DCAF1: variants seen among roughly 807,000 people sequenced by gnomAD.
The protein encoded by DCAF1 is DDB1 and CUL4 associated factor 1, also known as DDB1- and CUL4-associated factor 1.
A neutral mutation model predicts 128.0 loss-of-function variants in DCAF1; 15 were observed. The observed-to-expected ratio is 0.12, with a 90% confidence interval of 0.08 to 0.18. DCAF1 has a LOEUF of 0.18. Among genes scored for constraint, DCAF1 ranks in the 10% least tolerant of loss-of-function variants. DCAF1 has a pLI of 1.00. For synonymous variants in DCAF1, 610 were observed against 603.0 expected (o/e 1.01, Z -0.17); for missense variants, 988 against 1,649.5 (o/e 0.60, Z 6.95).
Position 51,398,499 on chromosome 3 carries a change from A to T in DCAF1, c.*270T>A. 2.6e-6 allele frequency: 1 copy of T among 383,286 alleles called. No individual in the cohort carries two copies. The highest frequency in any genetic ancestry group is 4.7e-6 in the Non-Finnish European group (1 of 214,756). 23.7% of individuals were successfully genotyped at this position (383,286 alleles called of 1,614,324 possible). ...GAGACATGGTTTTTTTTTCCCCTTG[A>T]AAGATATGTCCATCCTAGGAAATGG... is the stretch of plus-strand genomic sequence containing the variant. On this transcript the variant is annotated 3_prime_UTR_variant, in exon 25 of 25. Coordinates refer to ENST00000684031, the MANE Select transcript of DCAF1 (RefSeq NM_001387579.1).
intron 5 of DCAF1, among the ~76,000 whole-genome samples, chr3:51,463,849 T>C (rs1425914479): frequency 6.6e-6 from 1 of 152,004 alleles, no homozygotes; most frequent in African/African-American, 2.4e-5. Context: ...TCCCCTTCCA[T>C]ATACACTTTA....
intron 6 of DCAF1, among the ~76,000 whole-genome samples, chr3:51,445,054 C>G (rs1559520437): frequency 6.6e-6 from 1 of 152,092 alleles, no homozygotes; most frequent in East Asian, 1.9e-4. Flanking sequence ...TTGAAAATCA[C>G]CTATGTCCTA....
At chr3:51,445,671 T>C (rs879996948) in intron 6 of DCAF1, among the ~76,000 whole-genome samples, 2 of 152,188 alleles carry the variant, frequency 1.3e-5, no homozygotes, top group Admixed American at 1.3e-4. Flanking sequence ...GTATCTAACA[T>C]ACAAACCTAG....
intron 23 of DCAF1, among the ~76,000 whole-genome samples, chr3:51,410,698 T>A (rs1482981340): frequency 6.6e-6 from 1 of 152,238 alleles, no homozygotes; most frequent in Non-Finnish European, 1.5e-5. Flanking sequence ...GAAAGGACGC[T>A]AAGAGAAAGC....
intron 4 of DCAF1, among the ~76,000 whole-genome samples, chr3:51,467,510 G>C (rs1430341700): frequency 6.6e-6 from 1 of 151,960 alleles, no homozygotes; most frequent in African/African-American, 2.4e-5. Context: ...GGGGTGGGGA[G>C]AGGGGAGAGG....
At chr3:51,455,624 C>T (rs577248188) in intron 6 of DCAF1, among the ~76,000 whole-genome samples, 26 of 151,938 alleles carry the variant, frequency 1.7e-4, no homozygotes, top group Admixed American at 1.2e-3. Flanking sequence ...AAAGGCTGGG[C>T]GCGGTGGCTC....
intron 6 of DCAF1, among the ~76,000 whole-genome samples, chr3:51,447,068 C>T (rs1217002133): frequency 6.6e-6 from 1 of 151,638 alleles, no homozygotes; most frequent in African/African-American, 2.4e-5. Flanking sequence ...AAGTCATCAG[C>T]TCATTCTCCT....
At chr3:51,417,011 A>T (rs1698942596) in intron 17 of DCAF1, 140 bp from the exon 18 acceptor site, 4 of 1,326,358 alleles carry the variant, frequency 3.0e-6, no homozygotes, top group Non-Finnish European at 4.1e-6. Context: ...GGAAACAATC[A>T]TACACTTAGA....
At chr3:51,499,304 C>G (rs1183868152) in intron 1 of DCAF1, among the ~76,000 whole-genome samples, 2 of 152,222 alleles carry the variant, frequency 1.3e-5, no homozygotes, top group Non-Finnish European at 2.9e-5. Flanking sequence ...CAACCCTTCC[C>G]TCTTTCATGG....
In DCAF1 at chr3:51,398,072, G is replaced by A. The variant is rs2089336286; in HGVS notation, c.*697C>T. On this transcript the variant is annotated 3_prime_UTR_variant, in exon 25 of 25. Transcript: ENST00000684031. ...GACCATGCTGCCCCCAAACCATGAA[G>A]GTGAGTGAATTTAGGCATTTACCCA... 1 of 154,648 alleles carries A rather than the reference G, an allele frequency of 6.5e-6. No individual in the cohort carries two copies. Among genetic ancestry groups the A allele is most frequent in the African/African-American group, 2.4e-5 (1 of 41,396 alleles). The allele number at this position is 154,648 out of a possible 1,614,324, so 9.6% of individuals were successfully genotyped here. A position where few individuals can be genotyped will look rare whatever the true frequency, so the allele number is the denominator to read the frequency against.
chr3:51,426,207 T>C (rs1699893720), intron 13 of DCAF1, among the ~76,000 whole-genome samples: 1 of 151,780 alleles, frequency 6.6e-6, no homozygotes, highest in Non-Finnish European at 1.5e-5. Flanking sequence ...AAACATGCAA[T>C]GGGTTCACTT....
chr3:51,474,235 A>G (rs985497239), intron 3 of DCAF1, among the ~76,000 whole-genome samples: 5 of 152,056 alleles, frequency 3.3e-5, no homozygotes, highest in African/African-American at 9.6e-5. Context: ...CCTGACCAAC[A>G]TGGAGAAACC....
chr3:51,401,508 T>C (rs1343264810), intron 24 of DCAF1, among the ~76,000 whole-genome samples: 1 of 152,226 alleles, frequency 6.6e-6, no homozygotes, highest in Non-Finnish European at 1.5e-5. Context: ...CGTCCTCAAG[T>C]TGTGATCCAT....
At chr3:51,483,917 G>A in intron 2 of DCAF1, 81 bp from the exon 3 acceptor site, 1 of 961,408 alleles carries the variant, frequency 1.0e-6, no homozygotes, top group Non-Finnish European at 1.7e-6. Context: ...GGTAGAAAAG[G>A]ACGAGAAGGC....
Position 51,420,468 on chromosome 3 carries a change from T to C in DCAF1, c.2502A>G (p.Lys834=). 1 of 1,614,066 alleles carries C rather than the reference T, an allele frequency of 6.2e-7. No individual in the cohort carries two copies. Among genetic ancestry groups the C allele is most frequent in the South Asian group, 1.1e-5 (1 of 91,090 alleles). The change falls in exon 15 of 25, where the codon AAA becomes AAG. Residue 834 remains lysine, a synonymous_variant. Coordinates refer to ENST00000684031, the MANE Select transcript of DCAF1 (RefSeq NM_001387579.1). The surrounding 1 kb of genome is among the most constrained non-coding windows in gnomAD (Gnocchi z 6.5). The part of the protein sequence containing the change: ...GTDVSLARLQ[K]ADVVAQSRIS... ...TCCTTGACTGGGCAACAACATCTGC[T>C]TTCTGCAGTCGTGCTAGGGAAACAT...
chr3:51,427,490 C>T lies in DCAF1; in HGVS notation c.1729G>A (p.Glu577Lys), dbSNP rs1553634439. 1 of 776,764 alleles carries T rather than the reference C, an allele frequency of 1.3e-6. No individual in the cohort carries two copies. The highest frequency in any genetic ancestry group is 2.4e-6 in the Non-Finnish European group (1 of 416,150). 48.1% of individuals were successfully genotyped at this position (776,764 alleles called of 1,614,324 possible). ...CAATATAGCTGCGCTGGGCCATATT[C>T]TATCAAAAATTCCATCATTTCCACA... Reference protein sequence around the residue: ...QIVEMMEFLIEYGPAQLYWEP... With the variant: ...QIVEMMEFLIKYGPAQLYWEP... Residue 577 changes from glutamate to lysine, a missense_variant, in exon 13 of 25, where the codon GAA (glutamate) becomes AAA (lysine). Glu to Lys is a moderately conservative substitution (Grantham distance 56). Transcript: ENST00000684031.
chr3:51,504,493 G>A (rs1559599368), upstream of DCAF1, among the ~76,000 whole-genome samples: 1 of 151,964 alleles, frequency 6.6e-6, no homozygotes, highest in Non-Finnish European at 1.5e-5. Flanking sequence ...GATTACAGGT[G>A]CCCGCCACAA....
rs545787471 is a variant in DCAF1 at position 51,459,286 on chromosome 3, C to G, written c.375+3828G>C. Among the ~76,000 whole-genome samples the G allele has an allele frequency of 2.0e-5, 3 of 152,282 alleles. No homozygotes were observed. The South Asian group carries it at 6.2e-4, about 32-fold the overall frequency. ...AGAGAATACTATAAACACCTCTACA[C>G]AAATAAACTAGAAAATCAAGAAGAA... On this transcript the variant is annotated intron_variant, in intron 6 of 24. Coordinates refer to ENST00000684031, the MANE Select transcript of DCAF1 (RefSeq NM_001387579.1).
At chr3:51,402,078 A>C (rs2089743041) in intron 24 of DCAF1, among the ~76,000 whole-genome samples, 1 of 152,246 alleles carries the variant, frequency 6.6e-6, no homozygotes, top group Non-Finnish European at 1.5e-5. Context: ...TCATTACCAT[A>C]GTCAGGGGAC....
Sources: gnomAD v4.1 joint callset for allele counts (sites outside exome capture counted in the v4.1 genomes callset) on GRCh38, gnomAD v4.1.1 for gene constraint, Gnocchi (gnomAD v3.1) non-coding constraint, MANE v1.5 for transcripts, NCBI Gene and HGNC (gene_info 2026-07-23, HGNC 2026-07-21) for gene names.